Variants in LHFPL3 observed in about 807,000 individuals in gnomAD.
The protein encoded by LHFPL3 is LHFPL tetraspan subfamily member 3 protein.
In LHFPL3, 5 loss-of-function variants were observed where a neutral mutation model predicts 19.3. The ratio of observed to expected loss-of-function variants is 0.26; its 90% CI spans 0.14 to 0.54. The LOEUF is 0.54. Ranked by LOEUF, LHFPL3 falls within the 20% of genes least tolerant of loss-of-function variation. LHFPL3 has a pLI of 0.94. For missense variants in LHFPL3, 249 were observed against 307.4 expected (o/e 0.81, Z 1.42); for synonymous variants, 133 against 126.2 (o/e 1.05, Z -0.36).
rs117621514 is a variant in LHFPL3, at chr7:104,415,681, T to C, written c.445+86457T>C. On this transcript the variant is annotated intron_variant, in intron 1 of 2. Transcript: ENST00000424859. Reference sequence around the variant, plus strand: ...CATTCCACTTTCTAGTCAGCTTTTCTATTTAATGTGACACATAAGTATTTT... The same window carrying C: ...CATTCCACTTTCTAGTCAGCTTTTCCATTTAATGTGACACATAAGTATTTT... 8.3e-3 allele frequency among the ~76,000 whole-genome samples: 1,264 copies of C among 152,360 alleles called. 71 individuals carry two copies. The East Asian group carries it at 0.16, about 19-fold the overall frequency.
At chr7:104,669,079 G>A (rs1199265323) in intron 1 of LHFPL3, 3 of 1,612,482 alleles carry the variant, frequency 1.9e-6, no homozygotes, top group Admixed American at 1.7e-5. Context: ...GAAGTCTCTA[G>A]AAAATGAAAC....
chr7:104,819,113 G>A (rs559782501), intron 2 of LHFPL3, among the ~76,000 whole-genome samples: 11 of 152,130 alleles, frequency 7.2e-5, no homozygotes, highest in Non-Finnish European at 1.3e-4. Context: ...TTTAATATAA[G>A]CTTAATTTGA....
intron 1 of LHFPL3, among the ~76,000 whole-genome samples, chr7:104,374,214 G>GTGTGTA (rs1790666154): frequency 6.7e-6 from 1 of 149,494 alleles, no homozygotes; most frequent in African/African-American, 2.5e-5. Flanking sequence ...ATATATGTGT[G>GTGTGTA]TGTGTGTGTG....
chr7:104,539,193 T>C (rs1794441730), intron 1 of LHFPL3, among the ~76,000 whole-genome samples: 1 of 152,156 alleles, frequency 6.6e-6, no homozygotes, highest in South Asian at 2.1e-4. Context: ...CTTAAGCCAC[T>C]AGGTATGTGA....
At chr7:104,791,007 G>C (rs1273106259) in intron 2 of LHFPL3, among the ~76,000 whole-genome samples, 1 of 152,196 alleles carries the variant, frequency 6.6e-6, no homozygotes, top group African/African-American at 2.4e-5. Context: ...CTTTCTGGGA[G>C]ATCTTCCACA....
At chr7:104,390,247 T>C (rs1791038236) in intron 1 of LHFPL3, among the ~76,000 whole-genome samples, 1 of 152,146 alleles carries the variant, frequency 6.6e-6, no homozygotes, top group Admixed American at 6.5e-5. Context: ...TGCAGGTTTC[T>C]TACATATGTA....
Position 104,741,079 on chromosome 7 carries a change from T to C in LHFPL3, c.682+4168T>C, listed in dbSNP as rs542938429. Reference sequence around the variant, plus strand: ...CATAAATTAATCGTCACAAAGGTGATATTCAAAAGGAAAACAAGGGAGGGG... The same window carrying C: ...CATAAATTAATCGTCACAAAGGTGACATTCAAAAGGAAAACAAGGGAGGGG... On this transcript the variant is annotated intron_variant, in intron 2 of 2. Transcript: ENST00000424859. Among the ~76,000 whole-genome samples, 182 of 152,324 alleles carry C rather than the reference T, an allele frequency of 1.2e-3. 1 individual carries two copies. Among genetic ancestry groups the C allele is most frequent in the African/African-American group, 4.3e-3 (178 of 41,574 alleles).
chr7:104,518,426 T>G (rs956880196), intron 1 of LHFPL3, among the ~76,000 whole-genome samples: 1 of 152,166 alleles, frequency 6.6e-6, no homozygotes, highest in African/African-American at 2.4e-5. Flanking sequence ...AGGAATGGTA[T>G]AAAATCTTTG....
chr7:104,411,481 T>C (rs1791533839), intron 1 of LHFPL3, among the ~76,000 whole-genome samples: 1 of 152,004 alleles, frequency 6.6e-6, no homozygotes, highest in Non-Finnish European at 1.5e-5. Flanking sequence ...TTCAATAATA[T>C]TAAGTCTTTG....
At chr7:104,437,925 G>A (rs961639062) in intron 1 of LHFPL3, among the ~76,000 whole-genome samples, 4 of 152,126 alleles carry the variant, frequency 2.6e-5, no homozygotes, top group Non-Finnish European at 2.9e-5. Flanking sequence ...CAGAGCATGA[G>A]GGATGGAGCT....
intron 2 of LHFPL3, among the ~76,000 whole-genome samples, chr7:104,792,547 C>T (rs749954425): frequency 7.2e-5 from 11 of 152,126 alleles, no homozygotes; most frequent in Non-Finnish European, 1.2e-4. Context: ...TAAGAGAGTA[C>T]GAGGCTGTAT....
intron 1 of LHFPL3, among the ~76,000 whole-genome samples, chr7:104,533,928 G>A (rs1051402701): frequency 4.6e-5 from 7 of 152,206 alleles, no homozygotes; most frequent in East Asian, 3.9e-4. Flanking sequence ...GCTTCCCTCC[G>A]CTGGTAAAGG....
intron 1 of LHFPL3, among the ~76,000 whole-genome samples, chr7:104,587,694 C>A (rs56906474): frequency 0.65 from 97,736 of 151,240 alleles, 31,633 homozygotes; most frequent in East Asian, 0.72. Flanking sequence ...GGAATCGCCA[C>A]ACTGACTTCC....
chr7:104,447,635 A>T (rs943430543), intron 1 of LHFPL3, among the ~76,000 whole-genome samples: 5 of 152,058 alleles, frequency 3.3e-5, no homozygotes, highest in Admixed American at 3.3e-4. Flanking sequence ...AGCACCAACG[A>T]CTGCCATTTG....
chr7:104,346,817 C>CT (rs1316298506), intron 1 of LHFPL3, among the ~76,000 whole-genome samples: 5 of 151,388 alleles, frequency 3.3e-5, no homozygotes, highest in African/African-American at 1.2e-4. Context: ...GATATGAAGA[C>CT]TAACACACTT....
At chr7:104,619,698 G>C (rs142621121) in intron 1 of LHFPL3, among the ~76,000 whole-genome samples, 1 of 152,078 alleles carries the variant, frequency 6.6e-6, no homozygotes, top group Admixed American at 6.5e-5. Flanking sequence ...GTTCTCGATG[G>C]GGGGAGAATA....
rs147637198 is a variant in LHFPL3, at chr7:104,577,413, T to C, written c.446-159262T>C. On this transcript the variant is annotated intron_variant, in intron 1 of 2. Transcript: ENST00000424859. The stretch of plus-strand genomic sequence containing the variant: ...ACAAAATAGTGATTAGAAAGAAAGA[T>C]ATCTAACAGGAGGAACAGTGTTAAT... Among the ~76,000 whole-genome samples, 142 of 152,242 alleles carry C rather than the reference T, an allele frequency of 9.3e-4. 1 individual carries two copies. Among genetic ancestry groups the C allele is most frequent in the African/African-American group, 3.1e-3 (129 of 41,534 alleles).
At chr7:104,476,649 G>A (rs1267483763) in intron 1 of LHFPL3, among the ~76,000 whole-genome samples, 1 of 151,966 alleles carries the variant, frequency 6.6e-6, no homozygotes, top group East Asian at 1.9e-4. Context: ...CAGTAGAGAC[G>A]GTGTTTCTCC....
intron 1 of LHFPL3, among the ~76,000 whole-genome samples, chr7:104,585,684 C>G (rs1048709619): frequency 1.3e-5 from 2 of 152,122 alleles, no homozygotes; most frequent in African/African-American, 4.8e-5. Context: ...TGGAAATATA[C>G]ATGCTCCACA....
Sources: gnomAD v4.1 joint callset for allele counts (sites outside exome capture counted in the v4.1 genomes callset) on GRCh38, gnomAD v4.1.1 for gene constraint, MANE v1.5 for transcripts, NCBI Gene and HGNC (gene_info 2026-07-23, HGNC 2026-07-21) for gene names.